GRIN2A: variants seen among roughly 807,000 people sequenced by gnomAD.
GRIN2A encodes the protein glutamate ionotropic receptor NMDA type subunit 2A, also known as glutamate receptor ionotropic, NMDA 2A.
GRIN2A carries 22 observed loss-of-function variants against 113.4 expected under a neutral mutation model. That is an observed-to-expected ratio of 0.19 (90% CI 0.14 to 0.28). GRIN2A has a LOEUF of 0.28. GRIN2A is among the 10% of genes least tolerant of loss of function. The pLI is 1.00. For missense variants in GRIN2A, 1,502 were observed against 1,887.0 expected (o/e 0.80, Z 3.78); for synonymous variants, 827 against 738.4 (o/e 1.12, Z -1.94).
intron 2 of GRIN2A, among the ~76,000 whole-genome samples, chr16:9,939,981 A>G (rs2044824130): frequency 6.6e-6 from 1 of 151,868 alleles, no homozygotes; most frequent in Non-Finnish European, 1.5e-5. Context: ...TGAGTATTGA[A>G]CACAACCTCA....
At chr16:9,932,945 G>GA (rs1267964833) in intron 3 of GRIN2A, among the ~76,000 whole-genome samples, 1 of 152,114 alleles carries the variant, frequency 6.6e-6, no homozygotes, top group Non-Finnish European at 1.5e-5. Flanking sequence ...GGCCACTCCT[G>GA]AACTGGACAG....
At chr16:9,926,467 A>G (rs1159450315) in intron 3 of GRIN2A, among the ~76,000 whole-genome samples, 1 of 152,234 alleles carries the variant, frequency 6.6e-6, no homozygotes, top group Non-Finnish European at 1.5e-5. Flanking sequence ...TGCTGTAAGC[A>G]TATAGGATAA....
rs1900550444 is a variant in GRIN2A, at chr16:9,760,804, A to C, written c.*2345T>G. 1 of 231,068 alleles carries C rather than the reference A, an allele frequency of 4.3e-6. No homozygotes were observed. The highest frequency in any genetic ancestry group is 8.6e-6 in the Non-Finnish European group (1 of 116,744). The allele number at this position is 231,068 out of a possible 1,614,324, so 14.3% of individuals were successfully genotyped here. On this transcript the variant is annotated 3_prime_UTR_variant, in exon 13 of 13. Coordinates refer to ENST00000330684, the MANE Select transcript of GRIN2A (RefSeq NM_001134407.3). ...GAAGACTTTTTAATTCATTCATGTCAAAACATCCCAGACTCATGAGGAAAT... is the reference window on the plus strand; with the variant it reads ...GAAGACTTTTTAATTCATTCATGTCCAAACATCCCAGACTCATGAGGAAAT...
chr16:9,775,105 T>C (rs1901516506), intron 11 of GRIN2A, among the ~76,000 whole-genome samples: 1 of 152,230 alleles, frequency 6.6e-6, no homozygotes, highest in Non-Finnish European at 1.5e-5. Flanking sequence ...CCTGAGGTCA[T>C]TTGTGAAAAA....
chr16:10,081,993 T>C (rs1596486724), intron 2 of GRIN2A, among the ~76,000 whole-genome samples: 2 of 152,202 alleles, frequency 1.3e-5, no homozygotes, highest in African/African-American at 4.8e-5. Context: ...ATAGAACCCT[T>C]ATTTTTTCAT....
chr16:10,109,185 C>T (rs1232200489), intron 2 of GRIN2A, among the ~76,000 whole-genome samples: 3 of 151,868 alleles, frequency 2.0e-5, no homozygotes, highest in Non-Finnish European at 4.4e-5. Flanking sequence ...TGGACAAATT[C>T]CTGGAAAGAT....
At chr16:10,043,759 A>G (rs2141965766) in intron 2 of GRIN2A, among the ~76,000 whole-genome samples, 1 of 152,014 alleles carries the variant, frequency 6.6e-6, no homozygotes, top group East Asian at 1.9e-4. Context: ...CTTAAGGTCA[A>G]ACTCCTGTGC....
At position 9,926,922 on chromosome 16, in the gene GRIN2A, T is replaced by G. The variant is rs552028224; in HGVS notation, c.1007+11037A>C. Among the ~76,000 whole-genome samples, 3 of 71,952 alleles carry G rather than the reference T, an allele frequency of 4.2e-5. No individual in the cohort carries two copies. The East Asian group carries it at 6.1e-4, about 15-fold the overall frequency. The allele number at this position is 71,952 out of a possible 152,430, so 47.2% of individuals were successfully genotyped here. A position where few individuals can be genotyped will look rare whatever the true frequency, so the allele number is the denominator to read the frequency against. ...ACTTTTGGAAACAGGAAAAACACTC[T>G]AAGTTTAAAAAAAAAAAACATGCAC... On this transcript the variant is annotated intron_variant, in intron 3 of 12. Transcript: ENST00000330684.
chr16:9,921,312 A>G (rs541962780), intron 3 of GRIN2A, among the ~76,000 whole-genome samples: 1 of 152,294 alleles, frequency 6.6e-6, no homozygotes, highest in African/African-American at 2.4e-5. Flanking sequence ...TCTCCTACCC[A>G]CAAGGGAGAG....
At chr16:10,059,540 G>A (rs2142004038) in intron 2 of GRIN2A, among the ~76,000 whole-genome samples, 1 of 152,188 alleles carries the variant, frequency 6.6e-6, no homozygotes, top group South Asian at 2.1e-4. Flanking sequence ...ATATATTTTG[G>A]AGGTAAAATC....
At chr16:10,065,465 G>C (rs1029749686) in intron 2 of GRIN2A, among the ~76,000 whole-genome samples, 3 of 152,190 alleles carry the variant, frequency 2.0e-5, no homozygotes, top group African/African-American at 7.2e-5. Flanking sequence ...TCTAAGGTCA[G>C]ATCTTCAGAA....
At chr16:9,812,543 C>T (rs935538143) in intron 10 of GRIN2A, among the ~76,000 whole-genome samples, 3 of 152,018 alleles carry the variant, frequency 2.0e-5, no homozygotes, top group Non-Finnish European at 2.9e-5. Context: ...GAGGCTGCAG[C>T]ATGAGAATCA....
At chr16:9,784,871 C>T (rs1233812573) in intron 11 of GRIN2A, among the ~76,000 whole-genome samples, 1 of 152,182 alleles carries the variant, frequency 6.6e-6, no homozygotes, top group East Asian at 1.9e-4. Flanking sequence ...CAGAGAAATG[C>T]AAATCAAAAC....
intron 2 of GRIN2A, among the ~76,000 whole-genome samples, chr16:9,990,665 G>A (rs1236840352): frequency 1.2e-4 from 17 of 139,702 alleles, no homozygotes; most frequent in Admixed American, 1.1e-3. Flanking sequence ...TCTTACATTG[G>A]CATTTTTTTT....
At chr16:9,927,953 A>T (rs1234001299) in intron 3 of GRIN2A, among the ~76,000 whole-genome samples, 1 of 152,234 alleles carries the variant, frequency 6.6e-6, no homozygotes, top group Non-Finnish European at 1.5e-5. Context: ...AATGAAGCAG[A>T]TCCTCAGGAA....
At chr16:10,107,321 C>G (rs1035857115) in intron 2 of GRIN2A, among the ~76,000 whole-genome samples, 1 of 152,150 alleles carries the variant, frequency 6.6e-6, no homozygotes, top group African/African-American at 2.4e-5. Context: ...CTGTCTCCCC[C>G]AAAGGAAACC....
chr16:10,133,235 GCCA>G (rs977777109), intron 2 of GRIN2A, among the ~76,000 whole-genome samples: 2 of 152,198 alleles, frequency 1.3e-5, no homozygotes, highest in African/African-American at 4.8e-5. Context: ...TGCCTGCCAG[GCCA>G]CCATCTTGCT....
intron 2 of GRIN2A, among the ~76,000 whole-genome samples, chr16:9,981,052 G>T (rs2045883140): frequency 6.6e-6 from 1 of 150,574 alleles, no homozygotes; most frequent in Non-Finnish European, 1.5e-5. Flanking sequence ...AAGAGAGAGA[G>T]AGAGAGAATA....
chr16:10,180,857 AG>A lies in GRIN2A; in HGVS notation c.-18-429del. 1 of 212,432 alleles carries A rather than the reference AG, an allele frequency of 4.7e-6. No individual in the cohort carries two copies. The highest frequency in any genetic ancestry group is 9.5e-6 in the Non-Finnish European group (1 of 104,908). The allele number at this position is 212,432 out of a possible 1,614,324, so 13.2% of individuals were successfully genotyped here. On this transcript the variant is annotated intron_variant, in intron 1 of 12. Coordinates refer to ENST00000330684, the MANE Select transcript of GRIN2A (RefSeq NM_001134407.3). The surrounding 1 kb of genome is among the most constrained non-coding windows in gnomAD (Gnocchi z 7.0). ...CTCCCACCTGGGATAGAGAGGACCAAGTTATCAACCCCGCCCCCTGCTGGCG... is the reference window on the plus strand; with the variant it reads ...CTCCCACCTGGGATAGAGAGGACCAATTATCAACCCCGCCCCCTGCTGGCG...
Sources: gnomAD v4.1 joint callset for allele counts (sites outside exome capture counted in the v4.1 genomes callset) on GRCh38, gnomAD v4.1.1 for gene constraint, Gnocchi (gnomAD v3.1) non-coding constraint, MANE v1.5 for transcripts, NCBI Gene and HGNC (gene_info 2026-07-23, HGNC 2026-07-21) for gene names.